The following DLGAP2 variants were observed in gnomAD, a reference collection of about 807,000 sequenced individuals.
The protein encoded by DLGAP2 is DLG associated protein 2, also known as disks large-associated protein 2.
DLGAP2 carries 26 observed loss-of-function variants against 100.3 expected under a neutral mutation model. The ratio of observed to expected loss-of-function variants is 0.26; its 90% CI spans 0.19 to 0.36. The LOEUF is 0.36. DLGAP2 is among the 10% of genes least tolerant of loss of function. DLGAP2 has a pLI of 1.00. For synonymous variants in DLGAP2, 886 were observed against 630.1 expected, an observed-to-expected ratio of 1.41 and a Z score of -6.08; for missense variants, 1,858 against 1,453.2, an observed-to-expected ratio of 1.28 and a Z score of -4.53.
rs369999260 is a variant in DLGAP2 at position 1,682,917 on chromosome 8, TTTTTG to T, written c.2704+4300_2704+4304del. Among the ~76,000 whole-genome samples, 893 of 151,718 alleles carry T rather than the reference TTTTTG, an allele frequency of 5.9e-3. 11 individuals are homozygous for T. The highest frequency in any genetic ancestry group is 0.021 in the African/African-American group (854 of 41,476). The stretch of plus-strand genomic sequence containing the variant: ...ACATATGTTTGGTTTCGTGGTGGGA[TTTTTG>T]TTTTGTTTTGTCTTGTTTTTTACCT... On this transcript the variant is annotated intron_variant, in intron 12 of 14. Coordinates refer to ENST00000637795, the MANE Select transcript of DLGAP2 (RefSeq NM_001346810.2).
chr8:1,033,896 G>T, intron 2 of DLGAP2, among the ~76,000 whole-genome samples: 1 of 109,864 alleles, frequency 9.1e-6, no homozygotes, highest in Non-Finnish European at 1.9e-5. Context: ...GTGTCACCGC[G>T]AGTGGACTCA....
chr8:922,471 C>T (rs1164202726), intron 2 of DLGAP2, among the ~76,000 whole-genome samples: 1 of 152,180 alleles, frequency 6.6e-6, no homozygotes, highest in Non-Finnish European at 1.5e-5. Context: ...AGACTCTGCA[C>T]TAAAGGGGAA....
chr8:1,541,002 C>A (rs577459029), intron 4 of DLGAP2, among the ~76,000 whole-genome samples: 1 of 152,176 alleles, frequency 6.6e-6, no homozygotes, highest in African/African-American at 2.4e-5. Context: ...GTTTGGTAAC[C>A]AGCACAGGAT....
intron 12 of DLGAP2, among the ~76,000 whole-genome samples, chr8:1,688,854 C>A: frequency 6.6e-6 from 1 of 152,186 alleles, no homozygotes. Flanking sequence ...TCACGGCGTG[C>A]CATAAGCCCT....
At chr8:907,767 G>A (rs1475174740) in intron 1 of DLGAP2, 145 bp from the exon 2 acceptor site, 8 of 389,918 alleles carry the variant, frequency 2.1e-5, no homozygotes, top group Non-Finnish European at 3.2e-5. Flanking sequence ...TTTCTGTACC[G>A]TTTAATTTGT....
At position 1,601,373 on chromosome 8, in the gene DLGAP2, C is replaced by T. The variant is rs547283500; in HGVS notation, c.1443-25367C>T. 4.6e-5 allele frequency among the ~76,000 whole-genome samples: 7 copies of T among 152,322 alleles called. No homozygotes were observed. In the East Asian group the frequency reaches 5.8e-4, roughly 13 times the overall value. On this transcript the variant is annotated intron_variant, in intron 6 of 14. Coordinates refer to ENST00000637795, the MANE Select transcript of DLGAP2 (RefSeq NM_001346810.2). ...GGTCAGGGGCCCACTTGAGGAGGCA[C>T]TCTGTGCCTTAGCAGAGCTCGAGCG...
chr8:1,321,282 CTG>C (rs778878526), intron 3 of DLGAP2, among the ~76,000 whole-genome samples: 1 of 151,714 alleles, frequency 6.6e-6, no homozygotes, highest in Non-Finnish European at 1.5e-5. Flanking sequence ...GTGCGTGCAT[CTG>C]TGTGTCTCTG....
intron 2 of DLGAP2, among the ~76,000 whole-genome samples, chr8:1,196,786 G>C (rs1314136514): frequency 6.6e-6 from 1 of 152,172 alleles, no homozygotes; most frequent in African/African-American, 2.4e-5. Context: ...CATGTCAGCT[G>C]CAGCAGTGAT....
At chr8:1,384,800 G>A (rs79264640) in intron 3 of DLGAP2, among the ~76,000 whole-genome samples, 59 of 15,260 alleles carry the variant, frequency 3.9e-3, no homozygotes, top group Middle Eastern at 0.056. Flanking sequence ...ACCCCGGCCT[G>A]TGCCCGTCCC....
At chr8:1,629,976 C>T (rs1449207326) in intron 7 of DLGAP2, among the ~76,000 whole-genome samples, 1 of 152,164 alleles carries the variant, frequency 6.6e-6, no homozygotes, top group Admixed American at 6.5e-5. Context: ...CATTTTCTCA[C>T]ATCTTTGTCT....
At chr8:805,339 G>A (rs1292280380) in intron 1 of DLGAP2, among the ~76,000 whole-genome samples, 2 of 151,994 alleles carry the variant, frequency 1.3e-5, no homozygotes, top group African/African-American at 2.4e-5. Context: ...CCTTCTGATC[G>A]CCAGCACAGT....
At position 1,241,094 on chromosome 8, in the gene DLGAP2, A is replaced by ACATGGCGCCGTGTCTGGTTCTCTCG. The variant is rs1415142769; in HGVS notation, c.74-17741_74-17717dup. 7.6e-3 allele frequency among the ~76,000 whole-genome samples: 637 copies of ACATGGCGCCGTGTCTGGTTCTCTCG among 83,866 alleles called. 21 individuals are homozygous for ACATGGCGCCGTGTCTGGTTCTCTCG. Among genetic ancestry groups the ACATGGCGCCGTGTCTGGTTCTCTCG allele is most frequent in the African/African-American group, 0.027 (387 of 14,568 alleles). 55.0% of individuals were successfully genotyped at this position (83,866 alleles called of 152,430 possible). ...ACATGGTGACGTGTCTAGTTCTCTCACATGGCGCCGTGTCTGGTTCTCTCG... is the reference window on the plus strand; with the variant it reads ...ACATGGTGACGTGTCTAGTTCTCTCACATGGCGCCGTGTCTGGTTCTCTCGCATGGCGCCGTGTCTGGTTCTCTCG... On this transcript the variant is annotated intron_variant, in intron 2 of 14. Transcript: ENST00000637795.
At chr8:1,574,235 G>A (rs1218524667) in intron 6 of DLGAP2, among the ~76,000 whole-genome samples, 2 of 152,166 alleles carry the variant, frequency 1.3e-5, no homozygotes, top group Non-Finnish European at 2.9e-5. Context: ...AACAGGTTCT[G>A]CGTCACCAGA....
At chr8:1,633,407 T>C (rs996160656) in intron 8 of DLGAP2, among the ~76,000 whole-genome samples, 1 of 152,202 alleles carries the variant, frequency 6.6e-6, no homozygotes, top group Admixed American at 6.5e-5. Flanking sequence ...TGATGCGCAG[T>C]GACTCTCAGG....
intron 2 of DLGAP2, among the ~76,000 whole-genome samples, chr8:986,565 G>A (rs548492273): frequency 2.6e-5 from 4 of 152,144 alleles, no homozygotes; most frequent in Admixed American, 6.5e-5. Context: ...AGAGAAAGGG[G>A]CTGTGTTCTG....
chr8:1,214,418 G>A lies in DLGAP2; in HGVS notation c.74-44433G>A, dbSNP rs137978282. On this transcript the variant is annotated intron_variant, in intron 2 of 14. Transcript: ENST00000637795. ...GAAGGGCATCTCGTAGATTGGGACT[G>A]CAGGTAGCAAGCAGGGCTGTTTGGT... 2.4e-4 allele frequency among the ~76,000 whole-genome samples: 36 copies of A among 152,324 alleles called. 1 individual carries two copies. In the Middle Eastern group the frequency reaches 0.027, roughly 115 times the overall value.
intron 2 of DLGAP2, among the ~76,000 whole-genome samples, chr8:1,132,577 G>T (rs193094682): frequency 2.4e-4 from 36 of 152,342 alleles, no homozygotes; most frequent in Admixed American, 1.8e-3. Context: ...AACTGAGCTG[G>T]CATGCACTCG....
At chr8:1,308,080 A>T (rs1174941779) in intron 3 of DLGAP2, among the ~76,000 whole-genome samples, 1 of 152,220 alleles carries the variant, frequency 6.6e-6, no homozygotes, top group Non-Finnish European at 1.5e-5. Context: ...CACCAGGTCA[A>T]TGTGCGTGTT....
chr8:1,122,055 G>C (rs1401982116), intron 2 of DLGAP2, among the ~76,000 whole-genome samples: 1 of 152,126 alleles, frequency 6.6e-6, no homozygotes, highest in Non-Finnish European at 1.5e-5. Context: ...GCCCCTCGTG[G>C]TAATGCCCCA....
Sources: gnomAD v4.1 joint callset for allele counts (sites outside exome capture counted in the v4.1 genomes callset) on GRCh38, gnomAD v4.1.1 for gene constraint, MANE v1.5 for transcripts, NCBI Gene and HGNC (gene_info 2026-07-23, HGNC 2026-07-21) for gene names.